Variants in PARP8 observed in about 807,000 individuals in gnomAD.
PARP8 encodes poly(ADP-ribose) polymerase family member 8.
Under a neutral mutation model 124.1 loss-of-function variants are expected in PARP8, and 51 were observed. The ratio of observed to expected loss-of-function variants is 0.41; its 90% CI spans 0.33 to 0.52. The LOEUF is 0.52. Ranked by LOEUF, PARP8 falls within the 20% of genes least tolerant of loss-of-function variation. The pLI is 0.21. For missense variants in PARP8, 860 were observed against 1,018.9 expected (o/e 0.84, Z 2.12); for synonymous variants, 391 against 361.5 (o/e 1.08, Z -0.93).
intron 3 of PARP8, among the ~76,000 whole-genome samples, chr5:50,756,194 C>T (rs947836443): frequency 1.3e-5 from 2 of 151,958 alleles, no homozygotes; most frequent in Non-Finnish European, 2.9e-5. Flanking sequence ...GCTTGATTGC[C>T]CTGGCCAGAA....
At chr5:50,819,663 A>G (rs1242804164) in intron 15 of PARP8, among the ~76,000 whole-genome samples, 2 of 151,580 alleles carry the variant, frequency 1.3e-5, no homozygotes, top group Non-Finnish European at 2.9e-5. Flanking sequence ...CTGGTCTCGA[A>G]CTCCTGACCT....
intron 10 of PARP8, among the ~76,000 whole-genome samples, chr5:50,790,384 G>C (rs1424823907): frequency 6.6e-6 from 1 of 152,034 alleles, no homozygotes; most frequent in Non-Finnish European, 1.5e-5. Flanking sequence ...TGCGTGTCTT[G>C]GAGATGAGCA....
intron 2 of PARP8, among the ~76,000 whole-genome samples, chr5:50,747,847 A>C (rs1296763613): frequency 7.7e-6 from 1 of 129,948 alleles, no homozygotes; most frequent in Non-Finnish European, 1.5e-5. Flanking sequence ...ATCTCGGCTC[A>C]CTTCAAGCTC....
intron 15 of PARP8, among the ~76,000 whole-genome samples, chr5:50,817,689 A>G (rs1039563700): frequency 2.0e-5 from 3 of 152,182 alleles, no homozygotes; most frequent in Non-Finnish European, 4.4e-5. Context: ...GCAGTATTGG[A>G]CAATGATTGG....
At chr5:50,836,440 C>G (rs559314941) in intron 25 of PARP8, among the ~76,000 whole-genome samples, 3 of 152,272 alleles carry the variant, frequency 2.0e-5, no homozygotes, top group African/African-American at 7.2e-5. Flanking sequence ...AAGGAAACCG[C>G]AAGTCCAGTG....
chr5:50,828,514 T>G, intron 21 of PARP8, 130 bp downstream of exon 21: 1 of 747,826 alleles, frequency 1.3e-6, no homozygotes, highest in Non-Finnish European at 2.2e-6. Flanking sequence ...GAATTTCTAG[T>G]AGGCATACTA....
At chr5:50,797,533 C>A (rs1742698312) in intron 14 of PARP8, among the ~76,000 whole-genome samples, 1 of 152,136 alleles carries the variant, frequency 6.6e-6, no homozygotes, top group Non-Finnish European at 1.5e-5. Context: ...TTTTGAAGAA[C>A]CAGTGTTTAC....
chr5:50,788,921 A>G (rs1232537487), intron 10 of PARP8, among the ~76,000 whole-genome samples: 1 of 152,116 alleles, frequency 6.6e-6, no homozygotes. Context: ...GTAAGATGGA[A>G]GTACTTACTG....
At chr5:50,739,214 A>G (rs1757774618) in intron 2 of PARP8, 1 of 606,850 alleles carries the variant, frequency 1.6e-6, no homozygotes, top group African/African-American at 1.8e-5. Flanking sequence ...TGTTATCCTG[A>G]TGGCTTATCC....
chr5:50,794,130 T>C, intron 10 of PARP8, 77 bp from the exon 11 acceptor site: 1 of 1,454,660 alleles, frequency 6.9e-7, no homozygotes, highest in Non-Finnish European at 9.3e-7. Context: ...TAAATGCATT[T>C]TCTACATAAT....
chr5:50,799,849 C>A (rs548465570), intron 14 of PARP8, among the ~76,000 whole-genome samples: 1 of 152,252 alleles, frequency 6.6e-6, no homozygotes, highest in East Asian at 1.9e-4. Context: ...AAGGACACAG[C>A]AAGAAGATCA....
At chr5:50,692,141 A>G (rs1357570656) in intron 2 of PARP8, among the ~76,000 whole-genome samples, 1 of 152,152 alleles carries the variant, frequency 6.6e-6, no homozygotes, top group African/African-American at 2.4e-5. Flanking sequence ...AAATCTGATC[A>G]TATTACTTCA....
chr5:50,797,959 A>G (rs960325850), intron 14 of PARP8, among the ~76,000 whole-genome samples: 1 of 151,946 alleles, frequency 6.6e-6, no homozygotes, highest in African/African-American at 2.4e-5. Flanking sequence ...GTTACCAGTC[A>G]CTCCCAATTT....
At chr5:50,807,236 G>T (rs1289162245) in intron 14 of PARP8, among the ~76,000 whole-genome samples, 1 of 151,752 alleles carries the variant, frequency 6.6e-6, no homozygotes, top group African/African-American at 2.4e-5. Flanking sequence ...TGCAATACAG[G>T]GAACTAAACT....
intron 14 of PARP8, among the ~76,000 whole-genome samples, chr5:50,806,684 T>C (rs1228219203): frequency 6.6e-6 from 1 of 152,042 alleles, no homozygotes; most frequent in African/African-American, 2.4e-5. Flanking sequence ...AAAGAAACTT[T>C]TCATGTTGAA....
chr5:50,780,515 A>C (rs1343354015), intron 9 of PARP8, among the ~76,000 whole-genome samples: 1 of 152,034 alleles, frequency 6.6e-6, no homozygotes, highest in Non-Finnish European at 1.5e-5. Flanking sequence ...TAAGGGAGAT[A>C]TTTTCCTTCA....
chr5:50,826,808 G>T lies in PARP8; in HGVS notation c.1977+5G>T, dbSNP rs2149710162. On this transcript the variant is annotated splice_donor_5th_base_variant and intron_variant, in intron 19 of 25. Coordinates refer to ENST00000281631, the MANE Select transcript of PARP8 (RefSeq NM_024615.4). ...GTGAAACTGCCAGTTAACAGGGTAA[G>T]TTGTTTTTTTTTTTTTTACATATGC... is the stretch of plus-strand genomic sequence containing the variant. 1 of 1,562,000 alleles carries T rather than the reference G, an allele frequency of 6.4e-7. No homozygotes were observed.
rs1747119389 is a variant in PARP8, at chr5:50,832,710, G to A, written c.2234-71G>A. The A allele has an allele frequency of 2.8e-6, 4 of 1,447,522 alleles. No individual in the cohort carries two copies. The Admixed American group carries it at 5.1e-5, about 18-fold the overall frequency. 89.7% of individuals were successfully genotyped at this position (1,447,522 alleles called of 1,614,324 possible). ...TTTACCTAGAATGGAACTTTGCATAGTAGGTCGATTGTACTTTCAGCTGCA... is the reference window on the plus strand; with the variant it reads ...TTTACCTAGAATGGAACTTTGCATAATAGGTCGATTGTACTTTCAGCTGCA... On this transcript the variant is annotated intron_variant, in intron 22 of 25. Transcript: ENST00000281631.
At chr5:50,836,348 A>C (rs1747579436) in intron 25 of PARP8, among the ~76,000 whole-genome samples, 1 of 152,218 alleles carries the variant, frequency 6.6e-6, no homozygotes, top group Non-Finnish European at 1.5e-5. Flanking sequence ...TGTATCAGTC[A>C]GAATCCAAAC....
Sources: gnomAD v4.1 joint callset for allele counts (sites outside exome capture counted in the v4.1 genomes callset) on GRCh38, gnomAD v4.1.1 for gene constraint, MANE v1.5 for transcripts, NCBI Gene and HGNC (gene_info 2026-07-23, HGNC 2026-07-21) for gene names.